The following SCML4 variants were observed in gnomAD, a reference collection of about 807,000 sequenced individuals.
The protein encoded by SCML4 is sex comb on midleg-like protein 4.
A neutral mutation model predicts 41.1 loss-of-function variants in SCML4; 34 were observed. That is an observed-to-expected ratio of 0.83 (90% CI 0.63 to 1.10). SCML4 has a LOEUF of 1.10. Ranked by LOEUF, SCML4 falls within the 50% of genes least tolerant of loss-of-function variation. The pLI, the probability that SCML4 is intolerant of heterozygous loss-of-function variation, is 0.00. For synonymous variants in SCML4, 214 were observed against 220.9 expected (o/e 0.97, Z 0.28); for missense variants, 522 against 534.1 (o/e 0.98, Z 0.22).
rs539053544 is a variant in SCML4, at chr6:107,756,949, C to G, written c.157-7136G>C. Reference sequence around the variant, plus strand: ...GGCCTTCAAAGCCAACATCCCTGCCCAAATGCTAGTGCAGTTGCCACCTTT... The same window carrying G: ...GGCCTTCAAAGCCAACATCCCTGCCGAAATGCTAGTGCAGTTGCCACCTTT... On this transcript the variant is annotated intron_variant, in intron 2 of 7. Transcript: ENST00000369020. Among the ~76,000 whole-genome samples, 15 of 152,264 alleles carry G rather than the reference C, an allele frequency of 9.9e-5. No individual in the cohort carries two copies. In the East Asian group the frequency reaches 1.5e-3, roughly 16 times the overall value.
intron 1 of SCML4, among the ~76,000 whole-genome samples, chr6:107,822,685 T>C (rs1307543912): frequency 1.3e-5 from 2 of 152,110 alleles, no homozygotes; most frequent in Non-Finnish European, 2.9e-5. Flanking sequence ...CGTACACAAT[T>C]TAAAGAGCTA....
At chr6:107,806,913 G>A (rs992735530) in intron 1 of SCML4, among the ~76,000 whole-genome samples, 2 of 152,216 alleles carry the variant, frequency 1.3e-5, no homozygotes, top group East Asian at 1.9e-4. Flanking sequence ...AGAATGAACC[G>A]CCTGCCCGCT....
At chr6:107,800,784 C>T (rs1422290213) in intron 1 of SCML4, among the ~76,000 whole-genome samples, 1 of 152,138 alleles carries the variant, frequency 6.6e-6, no homozygotes, top group Admixed American at 6.5e-5. Flanking sequence ...AGACACATTG[C>T]AAGTCTGGAA....
intron 2 of SCML4, among the ~76,000 whole-genome samples, chr6:107,758,973 T>C (rs1779326318): frequency 6.6e-6 from 1 of 152,034 alleles, no homozygotes; most frequent in Non-Finnish European, 1.5e-5. Flanking sequence ...GTTTTCATTT[T>C]ATAAAAATAA....
At chr6:107,822,330 C>T (rs1057364701) in intron 1 of SCML4, among the ~76,000 whole-genome samples, 5 of 152,086 alleles carry the variant, frequency 3.3e-5, no homozygotes, top group Admixed American at 1.3e-4. Flanking sequence ...AGGAGACAGC[C>T]TTTCACCCTC....
chr6:107,752,217 T>G (rs899400084), intron 2 of SCML4, among the ~76,000 whole-genome samples: 1 of 152,054 alleles, frequency 6.6e-6, no homozygotes, highest in Non-Finnish European at 1.5e-5. Context: ...TGTTGTTGTT[T>G]ATTTTGAAGG....
At chr6:107,739,160 G>A (rs1334004835) in intron 5 of SCML4, among the ~76,000 whole-genome samples, 1 of 152,078 alleles carries the variant, frequency 6.6e-6, no homozygotes, top group African/African-American at 2.4e-5. Flanking sequence ...GGGATCTGTT[G>A]TTTGAAAGTT....
chr6:107,809,711 T>C (rs1236155396), intron 1 of SCML4, among the ~76,000 whole-genome samples: 2 of 152,198 alleles, frequency 1.3e-5, no homozygotes, highest in Non-Finnish European at 2.9e-5. Flanking sequence ...AGTCCAGTTT[T>C]GGAAACGTTG....
intron 1 of SCML4, among the ~76,000 whole-genome samples, chr6:107,817,562 C>T (rs1460518828): frequency 7.8e-6 from 1 of 127,840 alleles, no homozygotes; most frequent in Non-Finnish European, 1.6e-5. Flanking sequence ...CAGAGGCTGC[C>T]GTGAGCTGAG....
intron 5 of SCML4, among the ~76,000 whole-genome samples, chr6:107,728,759 A>G (rs1453821089): frequency 6.6e-6 from 1 of 152,226 alleles, no homozygotes; most frequent in Admixed American, 6.5e-5. Flanking sequence ...CCTTCTACCC[A>G]GGCAAAGGAT....
chr6:107,815,118 C>T (rs1262937094), intron 1 of SCML4, among the ~76,000 whole-genome samples: 2 of 152,086 alleles, frequency 1.3e-5, no homozygotes, highest in African/African-American at 2.4e-5. Flanking sequence ...TCAGAGTGTT[C>T]GGGGAGGCAG....
chr6:107,840,859 C>T, the SCML4 span, among the ~76,000 whole-genome samples: 1 of 152,114 alleles, frequency 6.6e-6, no homozygotes, highest in Non-Finnish European at 1.5e-5. Context: ...TATCCACCTG[C>T]TCTGTGACCC....
At chr6:107,836,507 G>C in the SCML4 span, among the ~76,000 whole-genome samples, 4 of 152,144 alleles carry the variant, frequency 2.6e-5, no homozygotes, top group Non-Finnish European at 4.4e-5. Context: ...TTCCAACCCA[G>C]AGCTTACCAA....
Position 107,821,761 on chromosome 6 carries a change from G to A in SCML4, c.-60+2365C>T, listed in dbSNP as rs567875052. On this transcript the variant is annotated intron_variant, in intron 1 of 7. Coordinates refer to ENST00000369020, the MANE Select transcript of SCML4 (RefSeq NM_198081.5). ...CTACCCATGTGATATTGAGGTTTCC[G>A]AGGGCAGGGACTTGGGGAGGAAAAT... is the stretch of plus-strand genomic sequence containing the variant. Among the ~76,000 whole-genome samples, 5 of 152,278 alleles carry A rather than the reference G, an allele frequency of 3.3e-5. No individual in the cohort carries two copies. In the East Asian group the frequency reaches 5.8e-4, roughly 18 times the overall value.
intron 6 of SCML4, among the ~76,000 whole-genome samples, chr6:107,715,877 C>T (rs1408173022): frequency 6.6e-6 from 1 of 151,780 alleles, no homozygotes; most frequent in East Asian, 1.9e-4. Flanking sequence ...ATTTCTAAGT[C>T]TCTTCCATGG....
chr6:107,802,620 A>AGGT (rs1783250256), intron 1 of SCML4, among the ~76,000 whole-genome samples: 2 of 139,864 alleles, frequency 1.4e-5, no homozygotes, highest in African/African-American at 5.7e-5. Context: ...GGAAGGAAGG[A>AGGT]AGGAAGGAAG....
intron 1 of SCML4, among the ~76,000 whole-genome samples, chr6:107,778,327 T>C (rs1252522501): frequency 1.4e-5 from 2 of 147,604 alleles, no homozygotes; most frequent in African/African-American, 2.5e-5. Flanking sequence ...CTGCTTTCAA[T>C]TGTGGACTTC....
intron 1 of SCML4, among the ~76,000 whole-genome samples, chr6:107,802,190 G>A (rs1264143734): frequency 6.6e-6 from 1 of 152,124 alleles, no homozygotes; most frequent in East Asian, 1.9e-4. Context: ...ACTTATATTC[G>A]TGAGAGACAG....
intron 1 of SCML4, among the ~76,000 whole-genome samples, chr6:107,794,856 C>T (rs142463055): frequency 1.3e-5 from 2 of 152,326 alleles, no homozygotes; most frequent in Non-Finnish European, 2.9e-5. Flanking sequence ...AATCTGTTTC[C>T]TGTCCCTTTC....
Sources: allele counts gnomAD v4.1 joint callset (sites outside exome capture counted in the v4.1 genomes callset), GRCh38; gene constraint gnomAD v4.1.1; transcripts MANE v1.5; gene names NCBI Gene and HGNC (gene_info 2026-07-23, HGNC 2026-07-21).